Variants in LINGO2 observed in about 807,000 individuals in gnomAD.
LINGO2 encodes leucine-rich repeat and immunoglobulin-like domain-containing nogo receptor-interacting protein 2.
Under a neutral mutation model 30.6 loss-of-function variants are expected in LINGO2, and 14 were observed. The observed-to-expected ratio is 0.46, with a 90% CI of 0.30 to 0.72. The LOEUF (loss-of-function observed/expected upper bound fraction) is 0.72, where lower values mean the gene tolerates loss of function less well. Ranked by LOEUF, LINGO2 falls within the 30% of genes least tolerant of loss-of-function variation. LINGO2 has a pLI of 0.07. For synonymous variants in LINGO2, 317 were observed against 288.5 expected (o/e 1.10, Z -1.00); for missense variants, 729 against 751.7 (o/e 0.97, Z 0.35).
intron 4 of LINGO2, among the ~76,000 whole-genome samples, chr9:28,281,988 T>G (rs144726556): frequency 1.3e-5 from 2 of 152,022 alleles, no homozygotes; most frequent in Non-Finnish European, 2.9e-5. Context: ...AACACAAACA[T>G]TGGGGGAACT....
the LINGO2 span, among the ~76,000 whole-genome samples, chr9:28,813,515 T>C: frequency 2.6e-5 from 4 of 152,162 alleles, no homozygotes; most frequent in East Asian, 5.8e-4. Flanking sequence ...AGAGAACTAC[T>C]GTACAAACCT....
At chr9:28,852,190 A>G in the LINGO2 span, among the ~76,000 whole-genome samples, 1 of 152,028 alleles carries the variant, frequency 6.6e-6, no homozygotes, top group Non-Finnish European at 1.5e-5. Context: ...GAACTGACCC[A>G]GTCTAAGGGC....
At chr9:29,126,899 C>T in the LINGO2 span, among the ~76,000 whole-genome samples, 1 of 152,084 alleles carries the variant, frequency 6.6e-6, no homozygotes, top group Non-Finnish European at 1.5e-5. Flanking sequence ...AGAGGCTACT[C>T]CCTTTGTACC....
chr9:28,449,997 C>G (rs545903570), intron 2 of LINGO2, among the ~76,000 whole-genome samples: 26 of 152,080 alleles, frequency 1.7e-4, no homozygotes, highest in Middle Eastern at 3.4e-3. Context: ...GTAGGCACAC[C>G]ATTCCGCATT....
chr9:29,070,258 A>G, the LINGO2 span, among the ~76,000 whole-genome samples: 1 of 152,138 alleles, frequency 6.6e-6, no homozygotes, highest in African/African-American at 2.4e-5. Flanking sequence ...AGCTTTAACC[A>G]TCACTCTACT....
chr9:28,538,308 T>C (rs1338966437), intron 1 of LINGO2, among the ~76,000 whole-genome samples: 3 of 151,996 alleles, frequency 2.0e-5, no homozygotes, highest in Non-Finnish European at 4.4e-5. Context: ...TAATGATGAA[T>C]TCTGACGTCA....
the LINGO2 span, among the ~76,000 whole-genome samples, chr9:29,177,975 T>G: frequency 6.6e-6 from 1 of 152,118 alleles, no homozygotes; most frequent in Non-Finnish European, 1.5e-5. Context: ...TCACCTTCTC[T>G]TCCACTTTTG....
At chr9:28,692,142 G>C in the LINGO2 span, among the ~76,000 whole-genome samples, 1 of 152,068 alleles carries the variant, frequency 6.6e-6, no homozygotes, top group Non-Finnish European at 1.5e-5. Flanking sequence ...TCAATTCCTA[G>C]GTACTCTCTT....
At chr9:28,481,380 AC>A (rs1390135868) in intron 1 of LINGO2, among the ~76,000 whole-genome samples, 3 of 152,116 alleles carry the variant, frequency 2.0e-5, no homozygotes, top group Non-Finnish European at 4.4e-5. Context: ...CACAGCCTAT[AC>A]GCACCAAAAT....
the LINGO2 span, among the ~76,000 whole-genome samples, chr9:28,941,112 G>A: frequency 2.0e-5 from 3 of 152,102 alleles, no homozygotes. Flanking sequence ...AGCAGATACA[G>A]TACTGGAGTT....
chr9:28,397,246 T>C (rs1245732333), intron 2 of LINGO2, among the ~76,000 whole-genome samples: 2 of 151,968 alleles, frequency 1.3e-5, no homozygotes, highest in Non-Finnish European at 2.9e-5. Context: ...TATCCTTCAA[T>C]ATCTTCTTGG....
At chr9:28,805,546 C>T in the LINGO2 span, among the ~76,000 whole-genome samples, 1 of 152,336 alleles carries the variant, frequency 6.6e-6, no homozygotes, top group South Asian at 2.1e-4. Context: ...CAATTTGCAA[C>T]ATCCGTTTAT....
chr9:28,287,244 G>A (rs761191104), intron 4 of LINGO2, among the ~76,000 whole-genome samples: 11 of 152,086 alleles, frequency 7.2e-5, no homozygotes, highest in African/African-American at 2.7e-4. Context: ...GTACTACTAC[G>A]GAGCCGTACA....
Position 28,222,504 on chromosome 9 carries a change from A to G in LINGO2, c.-87+72704T>C, listed in dbSNP as rs1453096630. On this transcript the variant is annotated intron_variant, in intron 4 of 5. Transcript: ENST00000379992. ...TCCCAGCTGCTCACCTTAAATTAAA[A>G]CTTGACTTAGGTAAAGGCAAAATTT... Among the ~76,000 whole-genome samples, 2 of 151,288 alleles carry G rather than the reference A, an allele frequency of 1.3e-5. 1 individual carries two copies. Among genetic ancestry groups the G allele is most frequent in the Admixed American group, 1.3e-4 (2 of 15,166 alleles).
chr9:29,050,018 T>C, the LINGO2 span, among the ~76,000 whole-genome samples: 1 of 148,818 alleles, frequency 6.7e-6, no homozygotes, highest in Non-Finnish European at 1.5e-5. Context: ...CATGATGTGA[T>C]GATGTGCTTA....
chr9:29,036,348 A>G, the LINGO2 span, among the ~76,000 whole-genome samples: 1 of 152,126 alleles, frequency 6.6e-6, no homozygotes, highest in African/African-American at 2.4e-5. Flanking sequence ...TGAAAGGTCT[A>G]ACATATTTTG....
intron 4 of LINGO2, among the ~76,000 whole-genome samples, chr9:28,193,961 A>C (rs1285458455): frequency 1.3e-5 from 2 of 152,206 alleles, no homozygotes; most frequent in Non-Finnish European, 2.9e-5. Flanking sequence ...CAGAGTGAGC[A>C]GTCAAAGAAA....
At chr9:28,371,744 T>C (rs1428193816) in intron 3 of LINGO2, among the ~76,000 whole-genome samples, 3 of 152,174 alleles carry the variant, frequency 2.0e-5, no homozygotes, top group Non-Finnish European at 4.4e-5. Flanking sequence ...CCTAATTTAC[T>C]TGAATTAAAA....
the LINGO2 span, among the ~76,000 whole-genome samples, chr9:28,809,570 C>A: frequency 6.6e-6 from 1 of 151,992 alleles, no homozygotes; most frequent in African/African-American, 2.4e-5. Context: ...ACAGTGAAAC[C>A]CTGTCTCTAC....
Sources: gnomAD v4.1 joint callset for allele counts (sites outside exome capture counted in the v4.1 genomes callset) on GRCh38, gnomAD v4.1.1 for gene constraint, MANE v1.5 for transcripts, NCBI Gene and HGNC (gene_info 2026-07-23, HGNC 2026-07-21) for gene names.